Variants in LARP1B observed in about 807,000 individuals in gnomAD.
The protein encoded by LARP1B is La ribonucleoprotein 1B, also known as la-related protein 1B.
Under a neutral mutation model 114.2 loss-of-function variants are expected in LARP1B, and 76 were observed. The ratio of observed to expected loss-of-function variants is 0.67; its 90% CI spans 0.55 to 0.81. The LOEUF is 0.81. Ranked by LOEUF, LARP1B falls within the 30% of genes least tolerant of loss-of-function variation. The pLI is 0.00. For synonymous variants in LARP1B, 345 were observed against 348.0 expected, an observed-to-expected ratio of 0.99 and a Z score of 0.10; for missense variants, 1,014 against 1,075.8, an observed-to-expected ratio of 0.94 and a Z score of 0.80.
intron 15 of LARP1B, among the ~76,000 whole-genome samples, chr4:128,191,240 C>T (rs1752174481): frequency 6.6e-6 from 1 of 152,086 alleles, no homozygotes; most frequent in Non-Finnish European, 1.5e-5. Context: ...AGACCTCACA[C>T]ATTGCTTTTC....
In LARP1B at chr4:128,062,592, C is replaced by CTTT. The variant is rs10659836; in HGVS notation, c.-78+1207_-78+1209dup. Among the ~76,000 whole-genome samples, 244 of 128,252 alleles carry CTTT rather than the reference C, an allele frequency of 1.9e-3. 39 individuals carry two copies. Among genetic ancestry groups the CTTT allele is most frequent in the Non-Finnish European group, 2.3e-3 (146 of 62,920 alleles). The allele number at this position is 128,252 out of a possible 152,430, so 84.1% of individuals were successfully genotyped here. On this transcript the variant is annotated intron_variant, in intron 1 of 19. Transcript: ENST00000326639. ...CTTCGTATGGGAAAGTTTTGGTAGA[C>CTTT]TTTTTTTTTTTTTTTTTTACATAAA...
At chr4:128,201,066 C>T (rs1755783384) in intron 17 of LARP1B, among the ~76,000 whole-genome samples, 1 of 152,168 alleles carries the variant, frequency 6.6e-6, no homozygotes, top group Non-Finnish European at 1.5e-5. Context: ...ATTCACATGG[C>T]TCTTGGCAGG....
chr4:128,158,063 T>C (rs1316419152), intron 11 of LARP1B, among the ~76,000 whole-genome samples: 11 of 152,204 alleles, frequency 7.2e-5, no homozygotes, highest in Admixed American at 7.2e-4. Flanking sequence ...GCAAAACTTA[T>C]TCAAGATATA....
At chr4:128,110,804 G>A (rs948800207) in intron 9 of LARP1B, among the ~76,000 whole-genome samples, 12 of 151,040 alleles carry the variant, frequency 7.9e-5, no homozygotes, top group Non-Finnish European at 1.3e-4. Context: ...ATTCTTTAGT[G>A]TTTTAATGTC....
At chr4:128,104,176 C>T (rs1781293254) in intron 8 of LARP1B, among the ~76,000 whole-genome samples, 1 of 151,936 alleles carries the variant, frequency 6.6e-6, no homozygotes, top group Admixed American at 6.6e-5. Context: ...AGGTAACTGC[C>T]ATCCAGATTA....
chr4:128,074,600 A>G (rs541400645), intron 2 of LARP1B, 82 bp downstream of exon 2: 8 of 265,454 alleles, frequency 3.0e-5, no homozygotes, highest in Admixed American at 1.2e-4. Flanking sequence ...TTATAAGTGT[A>G]TTTTTCTTCT....
chr4:128,084,314 T>C (rs1000355705), intron 5 of LARP1B, among the ~76,000 whole-genome samples: 2 of 152,196 alleles, frequency 1.3e-5, no homozygotes, highest in Non-Finnish European at 2.9e-5. Flanking sequence ...ATCACGCCAC[T>C]GCACTCCAGC....
chr4:128,151,438 G>A (rs990862114), intron 11 of LARP1B, among the ~76,000 whole-genome samples: 1 of 151,916 alleles, frequency 6.6e-6, no homozygotes, highest in African/African-American at 2.4e-5. Flanking sequence ...ATCACACATT[G>A]CCTTGAGAGT....
chr4:128,132,348 G>A (rs913278931), intron 11 of LARP1B, among the ~76,000 whole-genome samples: 1 of 151,982 alleles, frequency 6.6e-6, no homozygotes, highest in Non-Finnish European at 1.5e-5. Context: ...GGGTTCAAGT[G>A]ATTCTCCTGC....
At chr4:128,214,455 T>A (rs1020636437), downstream of LARP1B, among the ~76,000 whole-genome samples, 23 of 151,564 alleles carry the variant, frequency 1.5e-4, no homozygotes, top group African/African-American at 5.3e-4. Flanking sequence ...GCTGGAGATC[T>A]GAGAACTGGC....
chr4:128,122,250 A>C, intron 11 of LARP1B, 62 bp downstream of exon 11: 1 of 1,571,770 alleles, frequency 6.4e-7, no homozygotes, highest in Non-Finnish European at 8.6e-7. Flanking sequence ...GTTGCTGTTT[A>C]TATTTTCTCA....
chr4:128,190,923 T>G (rs1561536408), intron 15 of LARP1B, among the ~76,000 whole-genome samples: 1 of 152,234 alleles, frequency 6.6e-6, no homozygotes, highest in African/African-American at 2.4e-5. Flanking sequence ...TAACTCATCA[T>G]TGAATGCCAG....
intron 1 of LARP1B, among the ~76,000 whole-genome samples, chr4:128,066,858 G>GCGAT (rs886245180): frequency 1.3e-4 from 19 of 148,580 alleles, no homozygotes; most frequent in African/African-American, 4.7e-4. Flanking sequence ...GTGCAATGGC[G>GCGAT]CGATCTTGGC....
At chr4:128,116,920 A>T (rs1580625097) in intron 10 of LARP1B, among the ~76,000 whole-genome samples, 4 of 106,490 alleles carry the variant, frequency 3.8e-5, no homozygotes, top group Non-Finnish European at 6.1e-5. Context: ...TTTCCTCTTG[A>T]GTTTTTTTTT....
At chr4:128,147,092 G>A (rs1396664516) in intron 11 of LARP1B, among the ~76,000 whole-genome samples, 2 of 152,168 alleles carry the variant, frequency 1.3e-5, no homozygotes, top group South Asian at 4.1e-4. Context: ...TAGGTGCTAA[G>A]CATAGTGATA....
chr4:128,066,718 T>G (rs1291268438), intron 1 of LARP1B, among the ~76,000 whole-genome samples: 1 of 151,658 alleles, frequency 6.6e-6, no homozygotes, highest in Non-Finnish European at 1.5e-5. Flanking sequence ...CCTCAGGTGA[T>G]CCTCCCACCT....
At chr4:128,202,919 C>G (rs1041421377) in intron 17 of LARP1B, among the ~76,000 whole-genome samples, 2 of 152,184 alleles carry the variant, frequency 1.3e-5, no homozygotes, top group Non-Finnish European at 2.9e-5. Flanking sequence ...GTAGGTTAAG[C>G]CAGGCATGGT....
At chr4:128,130,911 G>C (rs1416178915) in intron 11 of LARP1B, among the ~76,000 whole-genome samples, 1 of 152,104 alleles carries the variant, frequency 6.6e-6, no homozygotes. Flanking sequence ...GTTTATATTG[G>C]GTGAAAAAAG....
At chr4:128,165,140 T>C (rs1194965911) in intron 12 of LARP1B, among the ~76,000 whole-genome samples, 1 of 151,816 alleles carries the variant, frequency 6.6e-6, no homozygotes, top group Non-Finnish European at 1.5e-5. Flanking sequence ...AATTAATATA[T>C]TAATTTACTC....
Sources: allele counts gnomAD v4.1 joint callset (sites outside exome capture counted in the v4.1 genomes callset), GRCh38; gene constraint gnomAD v4.1.1; transcripts MANE v1.5; gene names NCBI Gene and HGNC (gene_info 2026-07-23, HGNC 2026-07-21).